The following SHISA9 variants were observed in gnomAD, a reference collection of about 807,000 sequenced individuals.
SHISA9 encodes the protein shisa family member 9.
Under a neutral mutation model 38.0 loss-of-function variants are expected in SHISA9, and 13 were observed. That is an observed-to-expected ratio of 0.34 (90% CI 0.22 to 0.54). The LOEUF (loss-of-function observed/expected upper bound fraction) is 0.54. SHISA9 is among the 20% of genes least tolerant of loss of function. The pLI is 0.91. For synonymous variants in SHISA9, 275 were observed against 242.0 expected, an observed-to-expected ratio of 1.14 and a Z score of -1.27; for missense variants, 538 against 575.8, an observed-to-expected ratio of 0.93 and a Z score of 0.67.
the SHISA9 span, among the ~76,000 whole-genome samples, chr16:13,402,977 G>A: frequency 6.6e-6 from 1 of 152,154 alleles, no homozygotes; most frequent in East Asian, 1.9e-4. Flanking sequence ...AATTAGCTAG[G>A]TGTGGTGGCG....
At chr16:13,225,005 A>G (rs978997342) in intron 4 of SHISA9, among the ~76,000 whole-genome samples, 2 of 152,146 alleles carry the variant, frequency 1.3e-5, no homozygotes. Flanking sequence ...GTCTTTGCAG[A>G]GGTCATTGAG....
chr16:12,988,420 G>T (rs754864294), intron 2 of SHISA9, among the ~76,000 whole-genome samples: 1 of 152,128 alleles, frequency 6.6e-6, no homozygotes, highest in Non-Finnish European at 1.5e-5. Flanking sequence ...CCAAACACCC[G>T]TGATCACTCA....
chr16:13,296,313 C>G, the SHISA9 span, among the ~76,000 whole-genome samples: 1 of 151,658 alleles, frequency 6.6e-6, no homozygotes, highest in Non-Finnish European at 1.5e-5. Context: ...TGGTTACATC[C>G]TCAAGTTATA....
the SHISA9 span, among the ~76,000 whole-genome samples, chr16:13,328,241 A>G: frequency 6.6e-6 from 1 of 152,102 alleles, no homozygotes; most frequent in South Asian, 2.1e-4. Flanking sequence ...GGAAGAAAAC[A>G]TAACTCCTAA....
chr16:13,161,788 T>C (rs553296587), intron 2 of SHISA9, among the ~76,000 whole-genome samples: 1 of 152,282 alleles, frequency 6.6e-6, no homozygotes, highest in South Asian at 2.1e-4. Context: ...CTCTACCTTA[T>C]AAGAAAAACC....
At chr16:13,220,404 G>C (rs1227550132) in intron 4 of SHISA9, among the ~76,000 whole-genome samples, 1 of 152,190 alleles carries the variant, frequency 6.6e-6, no homozygotes, top group Non-Finnish European at 1.5e-5. Context: ...TCTCATGTCT[G>C]CTAACATCTC....
At chr16:12,985,841 A>T (rs12924226) in intron 2 of SHISA9, among the ~76,000 whole-genome samples, 43,930 of 152,052 alleles carry the variant, frequency 0.29, 6,553 homozygotes, top group Middle Eastern at 0.34. Flanking sequence ...GAGCTGCTTT[A>T]TCTGTATATA....
the SHISA9 span, among the ~76,000 whole-genome samples, chr16:13,537,930 A>G: frequency 6.6e-6 from 1 of 152,244 alleles, no homozygotes; most frequent in Non-Finnish European, 1.5e-5. Flanking sequence ...TCTTTTGGAC[A>G]GAGGAGAAAA....
the SHISA9 span, among the ~76,000 whole-genome samples, chr16:13,412,959 A>AAATC: frequency 7.1e-6 from 1 of 141,426 alleles, no homozygotes; most frequent in African/African-American, 2.6e-5. Context: ...ATGCATACAC[A>AAATC]AATAAATAAA....
chr16:13,073,956 C>T (rs572529018), intron 2 of SHISA9, among the ~76,000 whole-genome samples: 1 of 110,100 alleles, frequency 9.1e-6, no homozygotes, highest in Admixed American at 9.2e-5. Flanking sequence ...TTCTGCTGGT[C>T]GTTTTTTTTT....
the SHISA9 span, among the ~76,000 whole-genome samples, chr16:13,347,839 A>AC: frequency 7.9e-4 from 54 of 68,146 alleles, no homozygotes; most frequent in Non-Finnish European, 1.7e-3. Flanking sequence ...AGAATAACGT[A>AC]CCCCCCCACA....
chr16:13,341,703 G>A, the SHISA9 span, among the ~76,000 whole-genome samples: 7 of 152,206 alleles, frequency 4.6e-5, no homozygotes, highest in East Asian at 9.6e-4. Context: ...TTTTAAACAC[G>A]CTTTCCTCCC....
At chr16:13,220,931 C>T (rs1417559614) in intron 4 of SHISA9, among the ~76,000 whole-genome samples, 2 of 152,046 alleles carry the variant, frequency 1.3e-5, no homozygotes, top group Non-Finnish European at 2.9e-5. Context: ...ACAGGCTGGA[C>T]AGCTTTGTTG....
chr16:13,216,459 A>T (rs1253582394), intron 4 of SHISA9, among the ~76,000 whole-genome samples: 2 of 152,248 alleles, frequency 1.3e-5, no homozygotes, highest in African/African-American at 4.8e-5. Context: ...TAGTACTGTT[A>T]TTATCAGATG....
chr16:13,299,730 A>G, the SHISA9 span, among the ~76,000 whole-genome samples: 13 of 152,082 alleles, frequency 8.5e-5, no homozygotes, highest in East Asian at 2.1e-3. Flanking sequence ...AAAAACAAAA[A>G]AAACCCGACA....
chr16:13,153,003 C>T (rs915418176), intron 2 of SHISA9, among the ~76,000 whole-genome samples: 3 of 152,060 alleles, frequency 2.0e-5, no homozygotes, highest in African/African-American at 7.2e-5. Flanking sequence ...ATGTAATTAG[C>T]CACAGCTGAA....
chr16:12,975,662 G>GGGGGGGGGGGC (rs1555451392), intron 2 of SHISA9, among the ~76,000 whole-genome samples: 1 of 142,248 alleles, frequency 7.0e-6, no homozygotes, highest in African/African-American at 2.7e-5. Context: ...GGGGCGGGGG[G>GGGGGGGGGGGC]GGTAAGGGCA....
intron 2 of SHISA9, among the ~76,000 whole-genome samples, chr16:13,016,048 C>G (rs564250506): frequency 7.6e-6 from 1 of 130,962 alleles, no homozygotes; most frequent in Non-Finnish European, 1.6e-5. Flanking sequence ...AGTACAGTGG[C>G]ATGATCTTGG....
At chr16:13,489,468 C>T in the SHISA9 span, among the ~76,000 whole-genome samples, 1 of 152,166 alleles carries the variant, frequency 6.6e-6, no homozygotes, top group South Asian at 2.1e-4. Flanking sequence ...ACTCAAATCT[C>T]ATCTTGAATT....
Sources: gnomAD v4.1 joint callset for allele counts (sites outside exome capture counted in the v4.1 genomes callset) on GRCh38, gnomAD v4.1.1 for gene constraint, MANE v1.5 for transcripts, NCBI Gene and HGNC (gene_info 2026-07-23, HGNC 2026-07-21) for gene names.